Variants in HRH1 observed in about 807,000 individuals in gnomAD.
The protein encoded by HRH1 is histamine H1 receptor.
Under a neutral mutation model 10.3 loss-of-function variants are expected in HRH1, and 6 were observed. That is an observed-to-expected ratio of 0.58 (90% confidence interval 0.32 to 1.15). The LOEUF is 1.15. Among genes scored for constraint, HRH1 ranks in the 50% most tolerant of loss-of-function variants. The pLI is 0.05. For synonymous variants in HRH1, 242 were observed against 236.7 expected, an observed-to-expected ratio of 1.02 and a Z score of -0.21; for missense variants, 514 against 615.3, an observed-to-expected ratio of 0.84 and a Z score of 1.74.
chr3:11,150,729 ACTTCCTCTCCCCAGGC>A (rs529394596), upstream of HRH1, among the ~76,000 whole-genome samples: 151 of 152,242 alleles, frequency 9.9e-4, no homozygotes, highest in African/African-American at 1.8e-3. Context: ...TGGGCAAGTA[ACTTCCTCTCCCCAGGC>A]CTTCCTCTCC....
At chr3:11,174,662 C>T (rs6793766) in intron 1 of HRH1, among the ~76,000 whole-genome samples, 6,216 of 152,236 alleles carry the variant, frequency 0.041, 250 homozygotes, top group African/African-American at 0.1. Context: ...AAACTGGTGG[C>T]GTGTTTAGAG....
At chr3:11,257,308 C>T (rs1939807367) in intron 1 of HRH1, among the ~76,000 whole-genome samples, 1 of 149,662 alleles carries the variant, frequency 6.7e-6, no homozygotes, top group South Asian at 2.1e-4. Flanking sequence ...GTAATCCCAG[C>T]ACTTTGGGAG....
At chr3:11,140,957 C>T (rs550812886) in intron 1 of HRH1, among the ~76,000 whole-genome samples, 2 of 152,286 alleles carry the variant, frequency 1.3e-5, no homozygotes, top group East Asian at 3.9e-4. Flanking sequence ...TGAACTTTCT[C>T]CCCTTGATTA....
Position 11,193,954 on chromosome 3 carries a change from A to G in HRH1, c.-36+39400A>G, listed in dbSNP as rs761932801. Among the ~76,000 whole-genome samples the G allele has an allele frequency of 3.0e-4, 45 of 152,382 alleles. 2 individuals are homozygous for G. In the Middle Eastern group the frequency reaches 0.02, roughly 69 times the overall value. ...CAAGGTATCAGCTTACATATTTACTACAGTGATGAGTTGTTTTCTGCTTTG... is the reference window on the plus strand; with the variant it reads ...CAAGGTATCAGCTTACATATTTACTGCAGTGATGAGTTGTTTTCTGCTTTG... On this transcript the variant is annotated intron_variant, in intron 1 of 1. Transcript: ENST00000431010.
At chr3:11,226,826 G>A (rs765094770) in intron 1 of HRH1, among the ~76,000 whole-genome samples, 103 of 151,186 alleles carry the variant, frequency 6.8e-4, no homozygotes, top group Non-Finnish European at 1.2e-3. Flanking sequence ...GGCAGAGGTC[G>A]TAGTGAGCCG....
At chr3:11,207,640 G>A (rs149559465) in intron 1 of HRH1, among the ~76,000 whole-genome samples, 311 of 152,290 alleles carry the variant, frequency 2.0e-3, no homozygotes, top group South Asian at 4.8e-3. Context: ...TGTGATCTTG[G>A]ACAAGACCCT....
intron 1 of HRH1, among the ~76,000 whole-genome samples, chr3:11,230,168 A>G (rs1457703835): frequency 6.6e-6 from 1 of 152,216 alleles, no homozygotes; most frequent in Non-Finnish European, 1.5e-5. Context: ...CACTGACTGA[A>G]GTCCACTGGG....
intron 1 of HRH1, among the ~76,000 whole-genome samples, chr3:11,209,492 G>A (rs1938251817): frequency 6.6e-6 from 1 of 152,200 alleles, no homozygotes; most frequent in African/African-American, 2.4e-5. Context: ...TTGGATCTGT[G>A]TAATGGAATT....
intron 1 of HRH1, among the ~76,000 whole-genome samples, chr3:11,198,869 C>T (rs1027511067): frequency 6.6e-6 from 1 of 151,780 alleles, no homozygotes; most frequent in African/African-American, 2.4e-5. Flanking sequence ...GAACCCCACA[C>T]CACCCTGTGT....
At chr3:11,206,370 G>A (rs994601155) in intron 1 of HRH1, among the ~76,000 whole-genome samples, 1 of 152,160 alleles carries the variant, frequency 6.6e-6, no homozygotes, top group Non-Finnish European at 1.5e-5. Flanking sequence ...TGCCTGCTTC[G>A]GCCTTCCGAA....
chr3:11,216,158 G>T (rs1475042334), intron 1 of HRH1, among the ~76,000 whole-genome samples: 1 of 152,132 alleles, frequency 6.6e-6, no homozygotes, highest in Non-Finnish European at 1.5e-5. Flanking sequence ...AACATTAAAA[G>T]AGCATAAAGG....
chr3:11,149,418 T>C (rs1175047842), intron 1 of HRH1, among the ~76,000 whole-genome samples: 1 of 152,210 alleles, frequency 6.6e-6, no homozygotes, highest in Non-Finnish European at 1.5e-5. Flanking sequence ...ATGAAAAAAC[T>C]AGCTTGTGAA....
intron 1 of HRH1, among the ~76,000 whole-genome samples, chr3:11,174,073 C>T (rs886344069): frequency 7.2e-5 from 11 of 152,218 alleles, no homozygotes; most frequent in African/African-American, 2.7e-4. Context: ...TCTCAGAAGC[C>T]TTCACATCTT....
chr3:11,166,215 T>A (rs184451029), intron 1 of HRH1, among the ~76,000 whole-genome samples: 6 of 152,306 alleles, frequency 3.9e-5, no homozygotes, highest in Admixed American at 1.3e-4. Flanking sequence ...GGGTATTTTT[T>A]AATTGTGATA....
At chr3:11,180,841 T>C (rs1937337029) in intron 1 of HRH1, among the ~76,000 whole-genome samples, 1 of 152,172 alleles carries the variant, frequency 6.6e-6, no homozygotes, top group South Asian at 2.1e-4. Context: ...ACATTTTGGT[T>C]ATTTATTCAT....
chr3:11,221,246 T>A (rs948596830), intron 1 of HRH1, among the ~76,000 whole-genome samples: 1 of 152,168 alleles, frequency 6.6e-6, no homozygotes, highest in African/African-American at 2.4e-5. Flanking sequence ...TTATTTTTAA[T>A]TGTGGTAAAA....
At chr3:11,206,802 A>G (rs562244829) in intron 1 of HRH1, among the ~76,000 whole-genome samples, 1 of 152,194 alleles carries the variant, frequency 6.6e-6, no homozygotes, top group Admixed American at 6.5e-5. Context: ...TGGCACGTGG[A>G]GCAAAGGAGA....
chr3:11,213,019 G>T (rs141985872), intron 1 of HRH1, among the ~76,000 whole-genome samples: 2 of 151,980 alleles, frequency 1.3e-5, no homozygotes, highest in Admixed American at 1.3e-4. Flanking sequence ...TTAGATCTCC[G>T]CTCAAATGTT....
Position 11,145,261 on chromosome 3 carries a change from G to A in HRH1, c.-36+7862G>A, listed in dbSNP as rs117628666. Among the ~76,000 whole-genome samples the A allele has an allele frequency of 4.4e-4, 67 of 152,278 alleles. No individual in the cohort carries two copies. The East Asian group carries it at 7.9e-3, about 18-fold the overall frequency. ...TCCCATTGACATCTGTGGCTTCGTC[G>A]TTTTGTCCCTTCCCCACACCCTCCT... On this transcript the variant is annotated intron_variant, in intron 1 of 1. Coordinates refer to the HRH1 transcript ENST00000438284.
Sources: gnomAD v4.1 joint callset for allele counts (sites outside exome capture counted in the v4.1 genomes callset) on GRCh38, gnomAD v4.1.1 for gene constraint, MANE v1.5 for transcripts, NCBI Gene and HGNC (gene_info 2026-07-23, HGNC 2026-07-21) for gene names.